TBC1D22A: variants seen among roughly 807,000 people sequenced by gnomAD.
The protein encoded by TBC1D22A is TBC1 domain family member 22A, also known as putative GTPase activator.
A neutral mutation model predicts 60.2 loss-of-function variants in TBC1D22A; 38 were observed. That is an observed-to-expected ratio of 0.63 (90% CI 0.49 to 0.83). TBC1D22A has a LOEUF of 0.83. Among genes scored for constraint, TBC1D22A ranks in the 40% least tolerant of loss-of-function variants. The pLI is 0.00. For missense variants in TBC1D22A, 628 were observed against 701.0 expected (o/e 0.90, Z 1.18); for synonymous variants, 302 against 281.7 (o/e 1.07, Z -0.72).
At chr22:47,162,050 T>C (rs1308302293) in intron 12 of TBC1D22A, among the ~76,000 whole-genome samples, 2 of 152,218 alleles carry the variant, frequency 1.3e-5, no homozygotes, top group Non-Finnish European at 2.9e-5. Flanking sequence ...TTGACCTGTT[T>C]GTCTCTTTCA....
chr22:46,980,954 T>C (rs1173759500), intron 9 of TBC1D22A, among the ~76,000 whole-genome samples: 6 of 152,202 alleles, frequency 3.9e-5, no homozygotes, highest in Admixed American at 2.6e-4. Flanking sequence ...AGATTAGATT[T>C]AAAAACAGAA....
intron 8 of TBC1D22A, among the ~76,000 whole-genome samples, chr22:46,949,299 TGC>T (rs2072751629): frequency 6.6e-6 from 1 of 152,142 alleles, no homozygotes; most frequent in South Asian, 2.1e-4. Context: ...AGGCTGTGAG[TGC>T]CAGAGGGAAC....
chr22:46,849,354 T>G (rs1378721673), intron 4 of TBC1D22A, among the ~76,000 whole-genome samples: 3 of 152,204 alleles, frequency 2.0e-5, no homozygotes, highest in Non-Finnish European at 4.4e-5. Flanking sequence ...GACACCTTTT[T>G]GTCTCTCAGT....
At chr22:46,975,420 G>GGGTC (rs1230144595) in intron 9 of TBC1D22A, among the ~76,000 whole-genome samples, 2 of 152,254 alleles carry the variant, frequency 1.3e-5, no homozygotes, top group East Asian at 3.9e-4. Flanking sequence ...AGCGCGGTTT[G>GGGTC]GGTCGGTAAT....
At chr22:47,080,373 G>A (rs1054032885) in intron 11 of TBC1D22A, among the ~76,000 whole-genome samples, 3 of 152,160 alleles carry the variant, frequency 2.0e-5, no homozygotes, top group African/African-American at 4.8e-5. Context: ...TTCCTGGGCC[G>A]TAAGACAAGG....
intron 7 of TBC1D22A, among the ~76,000 whole-genome samples, chr22:46,908,336 G>A (rs1488753445): frequency 7.2e-5 from 11 of 152,154 alleles, no homozygotes; most frequent in Admixed American, 4.6e-4. Flanking sequence ...TCTGAGGGGC[G>A]GACCTCAGGA....
intron 11 of TBC1D22A, among the ~76,000 whole-genome samples, chr22:47,049,605 G>A (rs949353269): frequency 6.6e-6 from 1 of 152,196 alleles, no homozygotes; most frequent in Non-Finnish European, 1.5e-5. Context: ...AGGTGTTAGT[G>A]TCTCTTTTCC....
intron 8 of TBC1D22A, among the ~76,000 whole-genome samples, chr22:46,964,096 A>AT (rs1286848090): frequency 2.0e-5 from 3 of 151,950 alleles, no homozygotes; most frequent in African/African-American, 7.3e-5. Flanking sequence ...CGTCTGTTTG[A>AT]TTTTCTGGCA....
At chr22:47,006,616 G>A (rs771856904) in intron 10 of TBC1D22A, among the ~76,000 whole-genome samples, 30 of 152,226 alleles carry the variant, frequency 2.0e-4, no homozygotes, top group Non-Finnish European at 3.8e-4. Flanking sequence ...CCCTGTAGGA[G>A]CTGCTGACTT....
intron 8 of TBC1D22A, among the ~76,000 whole-genome samples, chr22:46,944,487 C>T (rs543105211): frequency 1.2e-4 from 18 of 152,290 alleles, no homozygotes; most frequent in Non-Finnish European, 1.8e-4. Flanking sequence ...CAATCTCCGC[C>T]TCCCAGGTTC....
chr22:47,088,642 C>T (rs2064796739), intron 11 of TBC1D22A, among the ~76,000 whole-genome samples: 1 of 151,966 alleles, frequency 6.6e-6, no homozygotes, highest in East Asian at 1.9e-4. Context: ...AGAACTGTGG[C>T]TGTAAATGGA....
At chr22:47,148,434 C>T (rs1047285082) in intron 12 of TBC1D22A, among the ~76,000 whole-genome samples, 4 of 152,056 alleles carry the variant, frequency 2.6e-5, no homozygotes, top group African/African-American at 4.8e-5. Flanking sequence ...GGAGGATGTG[C>T]CTAAGAGAGT....
At chr22:47,078,486 G>A (rs574208991) in intron 11 of TBC1D22A, among the ~76,000 whole-genome samples, 58 of 152,336 alleles carry the variant, frequency 3.8e-4, no homozygotes, top group Admixed American at 1.0e-3. Context: ...GTAAGACACT[G>A]CTGGTGGTAG....
At chr22:47,074,727 G>A (rs1224885346) in intron 11 of TBC1D22A, among the ~76,000 whole-genome samples, 10 of 152,328 alleles carry the variant, frequency 6.6e-5, no homozygotes, top group African/African-American at 2.4e-4. Flanking sequence ...GATGCTCCAT[G>A]TCATCCTGAG....
chr22:46,968,785 T>C (rs901517481), intron 8 of TBC1D22A, among the ~76,000 whole-genome samples: 7 of 152,230 alleles, frequency 4.6e-5, no homozygotes, highest in African/African-American at 1.7e-4. Flanking sequence ...GAATTTCTGC[T>C]CTTTGTTTCC....
At chr22:47,054,929 C>G (rs575331065) in intron 11 of TBC1D22A, among the ~76,000 whole-genome samples, 1 of 152,336 alleles carries the variant, frequency 6.6e-6, no homozygotes, top group South Asian at 2.1e-4. Context: ...ACCCTTAAAG[C>G]ACGGGCTGGG....
intron 8 of TBC1D22A, among the ~76,000 whole-genome samples, chr22:46,944,564 A>G (rs920770820): frequency 7.2e-5 from 11 of 152,054 alleles, no homozygotes; most frequent in Non-Finnish European, 1.6e-4. Flanking sequence ...ATGCCCGGCT[A>G]ATTTCTTGTA....
chr22:47,098,163 C>T (rs2065257131), intron 11 of TBC1D22A, among the ~76,000 whole-genome samples: 1 of 152,124 alleles, frequency 6.6e-6, no homozygotes, highest in Non-Finnish European at 1.5e-5. Flanking sequence ...TTCCAAGGCA[C>T]GTGGGCTCTT....
chr22:46,891,520 G>T, intron 6 of TBC1D22A, 126 bp downstream of exon 6: 1 of 978,932 alleles, frequency 1.0e-6, no homozygotes. Flanking sequence ...TCCCTGATTA[G>T]CTCACAGATT....
Sources: allele counts gnomAD v4.1 joint callset (sites outside exome capture counted in the v4.1 genomes callset), GRCh38; gene constraint gnomAD v4.1.1; transcripts MANE v1.5; gene names NCBI Gene and HGNC (gene_info 2026-07-23, HGNC 2026-07-21).